VPREB1: variants seen among roughly 807,000 people sequenced by gnomAD.
VPREB1 encodes immunoglobulin iota chain.
Under a neutral mutation model 13.6 loss-of-function variants are expected in VPREB1, and 17 were observed. The ratio of observed to expected loss-of-function variants is 1.25; its 90% CI spans 0.86 to 1.88. VPREB1 has a LOEUF of 1.88. VPREB1 is among the 40% of genes most tolerant of loss of function. The pLI, the probability that VPREB1 is intolerant of heterozygous loss-of-function variation, is 0.00. For missense variants in VPREB1, 183 were observed against 190.1 expected, an observed-to-expected ratio of 0.96 and a Z score of 0.22; for synonymous variants, 86 against 73.9, an observed-to-expected ratio of 1.16 and a Z score of -0.84.
At position 22,245,211 on chromosome 22, in the gene VPREB1, G is replaced by T. The variant is rs2088108418; in HGVS notation, c.312G>T (p.Glu104Asp). ...ARNRGYLSIS[E>D]LQPEDEAMYY... is the part of the protein sequence containing the mutation. ...ACAGGGGGTATTTGAGCATCTCTGAGCTGCAGCCTGAGGACGAGGCTATGT... is the reference window on the plus strand; with the variant it reads ...ACAGGGGGTATTTGAGCATCTCTGATCTGCAGCCTGAGGACGAGGCTATGT... Residue 104 changes from glutamate to aspartate, a missense_variant, in exon 2 of 2, where the codon GAG (glutamate) becomes GAT (aspartate). Glu to Asp is a conservative substitution (Grantham distance 45). Transcript: ENST00000403807. 2 of 1,573,556 alleles carry T rather than the reference G, an allele frequency of 1.3e-6. No individual in the cohort carries two copies. The highest frequency in any genetic ancestry group is 8.6e-7 in the Non-Finnish European group (1 of 1,160,566).
intron 1 of VPREB1, 29 bp downstream of exon 1, chr22:22,244,888 C>G: frequency 2.5e-6 from 4 of 1,614,120 alleles, no homozygotes; most frequent in Non-Finnish European, 3.4e-6. Context: ...CCCAAAGACT[C>G]CTGCCCCTTC....
At position 22,245,273 on chromosome 22, in the gene VPREB1, A is replaced by T; in HGVS notation, c.374A>T (p.Glu125Val). The T allele has an allele frequency of 6.4e-7, 1 of 1,564,228 alleles. No individual in the cohort carries two copies. Among genetic ancestry groups the T allele is most frequent in the South Asian group, 1.2e-5 (1 of 81,088 alleles). ...ATGGGGGCCCGCAGCTCGGAGAAGG[A>T]GGAGAGGGAGAGGGAGTGGGAGGAA... ...CAMGARSSEK[E>V]EREREWEEEM... is the part of the protein sequence containing the mutation. Residue 125 changes from glutamate to valine, a missense_variant, in exon 2 of 2, where the codon GAG (glutamate) becomes GTG (valine). Glu to Val is a moderately radical substitution (Grantham distance 121). Coordinates refer to ENST00000403807, the MANE Select transcript of VPREB1 (RefSeq NM_007128.4).
rs2146287736 is a variant in VPREB1 at position 22,245,135 on chromosome 22, A to T, written c.236A>T (p.Gln79Leu). 1 of 1,611,322 alleles carries T rather than the reference A, an allele frequency of 6.2e-7. No individual in the cohort carries two copies. The highest frequency in any genetic ancestry group is 2.2e-5 in the East Asian group (1 of 44,778). Reference protein sequence around the residue: ...LRYFSQSDKSQGPQVPPRFSG... With the variant: ...LRYFSQSDKSLGPQVPPRFSG... The stretch of plus-strand genomic sequence containing the variant: ...TATTTCTCACAATCAGACAAGAGCC[A>T]GGGCCCCCAGGTCCCCCCTCGCTTC... Residue 79 changes from glutamine (Q) to leucine (L), a missense_variant, in exon 2 of 2, where the codon CAG (glutamine) becomes CTG (leucine). Transcript: ENST00000403807.
Position 22,245,418 on chromosome 22 carries a change from G to T in VPREB1, c.*81G>T, listed in dbSNP as rs980233677. 24 of 1,401,648 alleles carry T rather than the reference G, an allele frequency of 1.7e-5. No homozygotes were observed. The Admixed American group carries it at 6.5e-4, about 38-fold the overall frequency. 86.8% of individuals were successfully genotyped at this position (1,401,648 alleles called of 1,614,324 possible). A position where few individuals can be genotyped will look rare whatever the true frequency, so the allele number is the denominator to read the frequency against. ...GAGTCGCCGCCCGAAGCGCCGAGGA[G>T]GCTGAGCCACTCAGCATCTCCTGGT... On this transcript the variant is annotated 3_prime_UTR_variant, in exon 2 of 2. Coordinates refer to ENST00000403807, the MANE Select transcript of VPREB1 (RefSeq NM_007128.4).
At chr22:22,244,906 C>T (rs531350924) in intron 1 of VPREB1, 40 bp from the exon 2 acceptor site, 1 of 1,614,134 alleles carries the variant, frequency 6.2e-7, no homozygotes, top group African/African-American at 1.3e-5. Flanking sequence ...TTCCTTCATC[C>T]TGCCCTGCCC....
chr22:22,244,824 C>G lies in VPREB1; in HGVS notation c.11C>G (p.Ala4Gly). Residue 4 changes from alanine to glycine, a missense_variant, in exon 1 of 2, where the codon GCT becomes GGT. Transcript: ENST00000403807. ...CTGCATGTCTGCACCATGTCCTGGG[C>G]TCCTGTCCTGCTCATGCTGTTTGTC... The part of the protein sequence containing the change: MSW[A>G]PVLLMLFVYC... The G allele has an allele frequency of 6.2e-7, 1 of 1,614,080 alleles. No individual in the cohort carries two copies. The highest frequency in any genetic ancestry group is 8.5e-7 in the Non-Finnish European group (1 of 1,180,000).
In VPREB1 at chr22:22,245,139, C is replaced by T. The variant is rs1425377468; in HGVS notation, c.240C>T (p.Gly80=). The T allele has an allele frequency of 5.0e-6, 8 of 1,609,382 alleles. No homozygotes were observed. Among genetic ancestry groups the T allele is most frequent in the South Asian group, 1.1e-5 (1 of 90,496 alleles). Reference sequence around the variant, plus strand: ...TCTCACAATCAGACAAGAGCCAGGGCCCCCAGGTCCCCCCTCGCTTCTCTG... The same window carrying T: ...TCTCACAATCAGACAAGAGCCAGGGTCCCCAGGTCCCCCCTCGCTTCTCTG... ...RYFSQSDKSQ[G]PQVPPRFSGS... is the part of the protein sequence containing the mutation. Residue 80 remains glycine (G), a synonymous_variant, in exon 2 of 2, where the codon GGC becomes GGT. Transcript: ENST00000403807.
rs754282074 is a variant in VPREB1, at chr22:22,245,358, G to A, written c.*21G>A. ...CTTGAACTGAAGACAGCAGAGGCAC[G>A]CATCCCCTTGGAGAGACTGTCATGG... On this transcript the variant is annotated 3_prime_UTR_variant, in exon 2 of 2. Transcript: ENST00000403807. 22 of 1,445,970 alleles carry A rather than the reference G, an allele frequency of 1.5e-5. No homozygotes were observed. The highest frequency in any genetic ancestry group is 7.2e-5 in the African/African-American group (5 of 69,854). The allele number at this position is 1,445,970 out of a possible 1,614,324, so 89.6% of individuals were successfully genotyped here. A position where few individuals can be genotyped will look rare whatever the true frequency, so the allele number is the denominator to read the frequency against.
In VPREB1 at chr22:22,244,914, C is replaced by G. The variant is rs576612214; in HGVS notation, c.47-32C>G. On this transcript the variant is annotated intron_variant, in intron 1 of 1. Coordinates refer to ENST00000403807, the MANE Select transcript of VPREB1 (RefSeq NM_007128.4). ...CTGCCCCTTCCTTCATCCTGCCCTGCCCCCACGGCCCACATGCATCTGTGT... is the reference window on the plus strand; with the variant it reads ...CTGCCCCTTCCTTCATCCTGCCCTGGCCCCACGGCCCACATGCATCTGTGT... The G allele has an allele frequency of 1.9e-6, 3 of 1,613,910 alleles. No individual in the cohort carries two copies. In the South Asian group the frequency reaches 3.3e-5, roughly 18 times the overall value.
At position 22,244,882 on chromosome 22, in the gene VPREB1, A is replaced by C. The variant is rs75310182; in HGVS notation, c.46+23A>C. Reference sequence around the variant, plus strand: ...CAGGTGAGGGAACCCCCAGATCCCAAAGACTCCTGCCCCTTCCTTCATCCT... The same window carrying C: ...CAGGTGAGGGAACCCCCAGATCCCACAGACTCCTGCCCCTTCCTTCATCCT... On this transcript the variant is annotated intron_variant, in intron 1 of 1. Coordinates refer to ENST00000403807, the MANE Select transcript of VPREB1 (RefSeq NM_007128.4). The C allele has an allele frequency of 1.6e-3, 2,649 of 1,613,886 alleles. 37 individuals are homozygous for C. In the African/African-American group the frequency reaches 0.03, roughly 18 times the overall value.
chr22:22,244,981 G>C lies in VPREB1; in HGVS notation c.82G>C (p.Ala28Pro), dbSNP rs779190018. 8 of 1,614,138 alleles carry C rather than the reference G, an allele frequency of 5.0e-6. No individual in the cohort carries two copies. The highest frequency in any genetic ancestry group is 6.8e-6 in the Non-Finnish European group (8 of 1,180,032). ...GPQPVLHQPP[A>P]MSSALGTTIR... The stretch of plus-strand genomic sequence containing the variant: ...TCAGCCGGTGCTGCATCAGCCGCCG[G>C]CCATGTCCTCGGCCCTTGGAACCAC... Residue 28 changes from alanine to proline, a missense_variant, in exon 2 of 2, where the codon GCC becomes CCC. Physicochemically the swap from Ala to Pro is conservative, Grantham distance 27 (BLOSUM62 -1). Coordinates refer to ENST00000403807, the MANE Select transcript of VPREB1 (RefSeq NM_007128.4).
Position 22,245,129 on chromosome 22 carries a change from A to T in VPREB1, c.230A>T (p.Lys77Met), listed in dbSNP as rs147568280. 1 of 1,612,652 alleles carries T rather than the reference A, an allele frequency of 6.2e-7. No individual in the cohort carries two copies. Among genetic ancestry groups the T allele is most frequent in the Middle Eastern group, 1.7e-4 (1 of 6,052 alleles). ...CTGAGATATTTCTCACAATCAGACA[A>T]GAGCCAGGGCCCCCAGGTCCCCCCT... is the stretch of plus-strand genomic sequence containing the variant. ...FLLRYFSQSD[K>M]SQGPQVPPRF... The change falls in exon 2 of 2, where the codon AAG (lysine) becomes ATG (methionine). Residue 77 changes from lysine (K) to methionine (M), a missense_variant. Physicochemically the swap from Lys to Met is moderately conservative, Grantham distance 95 (BLOSUM62 -1). Transcript: ENST00000403807.
At position 22,245,404 on chromosome 22, in the gene VPREB1, C is replaced by T. The variant is rs2088114897; in HGVS notation, c.*67C>T. ...CATGGAAGAGGGTGGAGTCGCCGCCCGAAGCGCCGAGGAGGCTGAGCCACT... is the reference window on the plus strand; with the variant it reads ...CATGGAAGAGGGTGGAGTCGCCGCCTGAAGCGCCGAGGAGGCTGAGCCACT... On this transcript the variant is annotated 3_prime_UTR_variant, in exon 2 of 2. Coordinates refer to ENST00000403807, the MANE Select transcript of VPREB1 (RefSeq NM_007128.4). 2 of 1,413,250 alleles carry T rather than the reference C, an allele frequency of 1.4e-6. No individual in the cohort carries two copies. The highest frequency in any genetic ancestry group is 1.6e-5 in the South Asian group (1 of 61,246). The allele number at this position is 1,413,250 out of a possible 1,614,324, so 87.5% of individuals were successfully genotyped here. A position where few individuals can be genotyped will look rare whatever the true frequency, so the allele number is the denominator to read the frequency against.
In VPREB1 at chr22:22,245,333, C is replaced by G; in HGVS notation, c.434C>G (p.Pro145Arg). The change falls in exon 2 of 2, where the codon CCT becomes CGT. Residue 145 changes from proline (P) to arginine (R), a missense_variant. Transcript: ENST00000403807. The stretch of plus-strand genomic sequence containing the variant: ...CCCACTGCAGCCAGGACACGTGTCC[C>G]TTGAACTGAAGACAGCAGAGGCACG... Reference protein sequence around the residue: ...MEPTAARTRVP With the variant: ...MEPTAARTRVR 6.8e-7 allele frequency: 1 copy of G among 1,473,300 alleles called. No individual in the cohort carries two copies. Among genetic ancestry groups the G allele is most frequent in the Non-Finnish European group, 8.9e-7 (1 of 1,121,038 alleles). 91.3% of individuals were successfully genotyped at this position (1,473,300 alleles called of 1,614,324 possible).
Position 22,245,311 on chromosome 22 carries a change from A to G in VPREB1, c.412A>G (p.Thr138Ala). Residue 138 changes from threonine to alanine, a missense_variant, in exon 2 of 2, where the codon ACT becomes GCT. By Grantham distance (58) the Thr-to-Ala change is moderately conservative (BLOSUM62 0). Transcript: ENST00000403807. ...GGAGTGGGAGGAAGAAATGGAACCC[A>G]CTGCAGCCAGGACACGTGTCCCTTG... ...EREWEEEMEP[T>A]AARTRVP 6.6e-7 allele frequency: 1 copy of G among 1,509,298 alleles called. No individual in the cohort carries two copies. The highest frequency in any genetic ancestry group is 8.8e-7 in the Non-Finnish European group (1 of 1,137,780). 93.5% of individuals were successfully genotyped at this position (1,509,298 alleles called of 1,614,324 possible).
chr22:22,244,879 C>G lies in VPREB1; in HGVS notation c.46+20C>G. ...GCACAGGTGAGGGAACCCCCAGATC[C>G]CAAAGACTCCTGCCCCTTCCTTCAT... On this transcript the variant is annotated intron_variant, in intron 1 of 1. Transcript: ENST00000403807. 6.2e-7 allele frequency: 1 copy of G among 1,613,976 alleles called. No individual in the cohort carries two copies. The highest frequency in any genetic ancestry group is 8.5e-7 in the Non-Finnish European group (1 of 1,179,912).
chr22:22,245,462 A>G lies in VPREB1; in HGVS notation c.*125A>G, dbSNP rs1174689736. Reference sequence around the variant, plus strand: ...TCCTGGTCCTGCAGTGTTGCTGTAAATCCCCATTGGAGACTGCATTAGGGA... The same window carrying G: ...TCCTGGTCCTGCAGTGTTGCTGTAAGTCCCCATTGGAGACTGCATTAGGGA... On this transcript the variant is annotated 3_prime_UTR_variant, in exon 2 of 2. Transcript: ENST00000403807. The G allele has an allele frequency of 2.6e-6, 3 of 1,139,686 alleles. No homozygotes were observed. The highest frequency in any genetic ancestry group is 3.5e-6 in the Non-Finnish European group (3 of 853,086). The allele number at this position is 1,139,686 out of a possible 1,614,324, so 70.6% of individuals were successfully genotyped here.
Position 22,244,925 on chromosome 22 carries a change from C to T in VPREB1, c.47-21C>T, listed in dbSNP as rs750771400. The T allele has an allele frequency of 6.2e-6, 10 of 1,614,114 alleles. No individual in the cohort carries two copies. The Admixed American group carries it at 1.0e-4, about 16-fold the overall frequency. Reference sequence around the variant, plus strand: ...TTCATCCTGCCCTGCCCCCACGGCCCACATGCATCTGTGTCACCAGGTTGT... The same window carrying T: ...TTCATCCTGCCCTGCCCCCACGGCCTACATGCATCTGTGTCACCAGGTTGT... On this transcript the variant is annotated intron_variant, in intron 1 of 1. Transcript: ENST00000403807.
Position 22,244,951 on chromosome 22 carries a change from G to T in VPREB1, c.52G>T (p.Gly18Cys), listed in dbSNP as rs1293235046. 1 of 1,614,162 alleles carries T rather than the reference G, an allele frequency of 6.2e-7. No homozygotes were observed. The highest frequency in any genetic ancestry group is 1.1e-5 in the South Asian group (1 of 91,082). Residue 18 changes from glycine (G) to cysteine (C), a missense_variant, in exon 2 of 2, where the codon GGT (glycine) becomes TGT (cysteine). By Grantham distance (159) the Gly-to-Cys change is radical. Transcript: ENST00000403807. ...ACATGCATCTGTGTCACCAGGTTGT[G>T]GTCCTCAGCCGGTGCTGCATCAGCC... Reference protein sequence around the residue: ...LMLFVYCTGCGPQPVLHQPPA... With the variant: ...LMLFVYCTGCCPQPVLHQPPA...
Sources: gnomAD v4.1 joint callset for allele counts on GRCh38, gnomAD v4.1.1 for gene constraint, MANE v1.5 for transcripts, NCBI Gene and HGNC (gene_info 2026-07-23, HGNC 2026-07-21) for gene names.